The following BBX variants were observed in gnomAD, a reference collection of about 807,000 sequenced individuals.
The protein encoded by BBX is HMG box transcription factor BBX.
Under a neutral mutation model 100.2 loss-of-function variants are expected in BBX, and 30 were observed. That is an observed-to-expected ratio of 0.30 (90% confidence interval 0.22 to 0.41). The LOEUF is 0.41. BBX is among the 10% of genes least tolerant of loss of function. The pLI is 1.00. For missense variants in BBX, 1,023 were observed against 1,129.8 expected (o/e 0.91, Z 1.35); for synonymous variants, 376 against 388.1 (o/e 0.97, Z 0.37).
chr3:107,524,141 T>TG (rs1379768070), intron 1 of BBX: 1 of 152,050 alleles, frequency 6.6e-6, no homozygotes, highest in African/African-American at 2.4e-5. Context: ...AGGCTGAGGG[T>TG]GGTGGTGGAG....
intron 3 of BBX, among the ~76,000 whole-genome samples, chr3:107,658,842 G>A (rs2058287917): frequency 6.6e-6 from 1 of 152,032 alleles, no homozygotes; most frequent in African/African-American, 2.4e-5. Context: ...GCTTGTCTGA[G>A]CTTCTTGACT....
chr3:107,536,217 C>T (rs1336679103), intron 2 of BBX, among the ~76,000 whole-genome samples: 1 of 152,104 alleles, frequency 6.6e-6, no homozygotes, highest in Non-Finnish European at 1.5e-5. Flanking sequence ...CTTTTGTATG[C>T]GAGTAGCCAA....
At chr3:107,557,314 C>G (rs902597235) in intron 2 of BBX, among the ~76,000 whole-genome samples, 1 of 152,102 alleles carries the variant, frequency 6.6e-6, no homozygotes, top group Admixed American at 6.5e-5. Flanking sequence ...AGAAGTGTGG[C>G]CTTCATCACC....
At chr3:107,655,511 A>ATTTTTTTT (rs35368803) in intron 3 of BBX, among the ~76,000 whole-genome samples, 1 of 117,598 alleles carries the variant, frequency 8.5e-6, no homozygotes, top group African/African-American at 3.2e-5. Context: ...ATGATAATTA[A>ATTTTTTTT]TTTTTTTTTT....
At chr3:107,796,468 T>A (rs188978421) in intron 15 of BBX, among the ~76,000 whole-genome samples, 5 of 152,330 alleles carry the variant, frequency 3.3e-5, no homozygotes, top group African/African-American at 1.2e-4. Flanking sequence ...GTGGTGATTC[T>A]ATTGGAGAGG....
At chr3:107,700,488 C>G (rs2060961954) in intron 3 of BBX, among the ~76,000 whole-genome samples, 1 of 148,190 alleles carries the variant, frequency 6.7e-6, no homozygotes, top group Non-Finnish European at 1.5e-5. Context: ...TGCACAACGT[C>G]CAGGTTTGTT....
At chr3:107,525,712 C>A (rs1177539169) in intron 1 of BBX, among the ~76,000 whole-genome samples, 1 of 152,234 alleles carries the variant, frequency 6.6e-6, no homozygotes, top group Non-Finnish European at 1.5e-5. Context: ...CCCGACCTCG[C>A]AGACCTGGTG....
chr3:107,706,455 A>G (rs2061404035), intron 3 of BBX, among the ~76,000 whole-genome samples: 1 of 152,186 alleles, frequency 6.6e-6, no homozygotes, highest in Non-Finnish European at 1.5e-5. Flanking sequence ...CAAAGGGGGT[A>G]CACATGGGTT....
At chr3:107,537,243 GA>G (rs2107339629) in intron 2 of BBX, among the ~76,000 whole-genome samples, 1 of 152,226 alleles carries the variant, frequency 6.6e-6, no homozygotes, top group South Asian at 2.1e-4. Flanking sequence ...CATATGTAAA[GA>G]CAACATGACT....
At position 107,761,236 on chromosome 3, in the gene BBX, A is replaced by G. The variant is rs930156592; in HGVS notation, c.906+5558A>G. ...TAACAAGTCTATCAGATTGACAGGA[A>G]TAGAGGACTGTGTTTATGGAAGATG... On this transcript the variant is annotated intron_variant, in intron 10 of 17. Transcript: ENST00000325805. Among the ~76,000 whole-genome samples the G allele has an allele frequency of 2.6e-5, 4 of 152,346 alleles. 1 individual carries two copies. The South Asian group carries it at 6.2e-4, about 24-fold the overall frequency.
At chr3:107,697,076 G>C (rs1211470920) in intron 3 of BBX, among the ~76,000 whole-genome samples, 1 of 150,930 alleles carries the variant, frequency 6.6e-6, no homozygotes, top group Non-Finnish European at 1.5e-5. Flanking sequence ...TCTCTGTATT[G>C]GTTATTCTAG....
At chr3:107,663,808 T>C (rs71319268) in intron 3 of BBX, among the ~76,000 whole-genome samples, 13,839 of 141,596 alleles carry the variant, frequency 0.098, 743 homozygotes, top group East Asian at 0.18. Context: ...TCTCTTTTTT[T>C]TCCTTTTTTT....
intron 2 of BBX, among the ~76,000 whole-genome samples, chr3:107,554,210 C>T (rs946163977): frequency 2.0e-5 from 3 of 152,156 alleles, no homozygotes; most frequent in African/African-American, 7.2e-5. Flanking sequence ...AGGAATAAAA[C>T]AGACAGTGGT....
chr3:107,698,881 A>G (rs376860854), intron 3 of BBX, among the ~76,000 whole-genome samples: 4 of 151,898 alleles, frequency 2.6e-5, no homozygotes, highest in African/African-American at 9.7e-5. Flanking sequence ...TGAATATGCT[A>G]TTTGAGTAAT....
intron 2 of BBX, among the ~76,000 whole-genome samples, chr3:107,553,508 G>A (rs1051940949): frequency 5.9e-5 from 9 of 152,172 alleles, no homozygotes; most frequent in Non-Finnish European, 1.2e-4. Flanking sequence ...ATGGGCTAAA[G>A]GACAGATTGG....
intron 7 of BBX, among the ~76,000 whole-genome samples, chr3:107,736,833 A>T (rs765396239): frequency 6.6e-6 from 1 of 152,142 alleles, no homozygotes; most frequent in Non-Finnish European, 1.5e-5. Flanking sequence ...CTAGAACAGA[A>T]GGAGAGGGGT....
At chr3:107,742,429 T>A (rs1163185640) in intron 7 of BBX, among the ~76,000 whole-genome samples, 1 of 151,984 alleles carries the variant, frequency 6.6e-6, no homozygotes, top group Non-Finnish European at 1.5e-5. Flanking sequence ...ACTCTCCCAA[T>A]TCTCCTGGCT....
chr3:107,574,227 T>C (rs2051598173), intron 2 of BBX, among the ~76,000 whole-genome samples: 1 of 152,206 alleles, frequency 6.6e-6, no homozygotes, highest in Admixed American at 6.5e-5. Flanking sequence ...TGTAAACATC[T>C]CCATTTTATA....
At chr3:107,560,719 G>T (rs911731158) in intron 2 of BBX, among the ~76,000 whole-genome samples, 3 of 152,190 alleles carry the variant, frequency 2.0e-5, no homozygotes, top group Non-Finnish European at 4.4e-5. Context: ...TTTGGCCAAG[G>T]ATTGTAAGTA....
Sources: allele counts gnomAD v4.1 joint callset (sites outside exome capture counted in the v4.1 genomes callset), GRCh38; gene constraint gnomAD v4.1.1; transcripts MANE v1.5; gene names NCBI Gene and HGNC (gene_info 2026-07-23, HGNC 2026-07-21).